The following ZNF76 variants were observed in gnomAD, a reference collection of about 807,000 sequenced individuals.
ZNF76 encodes zinc finger protein 76.
In ZNF76, 66 loss-of-function variants were observed where a neutral mutation model predicts 66.9. The observed-to-expected ratio is 0.99, with a 90% CI of 0.81 to 1.21. The LOEUF (loss-of-function observed/expected upper bound fraction) is 1.21. Ranked by LOEUF, ZNF76 falls within the 50% of genes most tolerant of loss-of-function variation. ZNF76 has a pLI of 0.00. For missense variants in ZNF76, 729 were observed against 760.3 expected, an observed-to-expected ratio of 0.96 and a Z score of 0.48; for synonymous variants, 275 against 296.1, an observed-to-expected ratio of 0.93 and a Z score of 0.73.
chr6:35,293,987 G>A, intron 12 of ZNF76, 72 bp downstream of exon 12: 3 of 1,541,554 alleles, frequency 1.9e-6, no homozygotes, highest in Non-Finnish European at 2.6e-6. Context: ...TTAAAGTGCA[G>A]CCTAAACTAG....
intron 1 of ZNF76, among the ~76,000 whole-genome samples, chr6:35,276,262 T>A (rs1183504631): frequency 6.6e-6 from 1 of 152,218 alleles, no homozygotes; most frequent in Non-Finnish European, 1.5e-5. Flanking sequence ...CATTTCATTT[T>A]ACAGATAAAG....
At chr6:35,291,484 C>A (rs1894650) in intron 8 of ZNF76, 74 bp from the exon 9 acceptor site, 192 of 1,609,758 alleles carry the variant, frequency 1.2e-4, no homozygotes, top group South Asian at 7.9e-4. Context: ...GACCTGGAGC[C>A]CAGTGCCATC....
intron 13 of ZNF76, 34 bp downstream of exon 13, chr6:35,294,603 C>T (rs775071737): frequency 3.5e-5 from 51 of 1,449,452 alleles, no homozygotes; most frequent in Non-Finnish European, 4.4e-5. Flanking sequence ...GGGGATCCCA[C>T]GGCCAGAGAA....
At position 35,287,299 on chromosome 6, in the gene ZNF76, C is replaced by T. The variant is rs137871395; in HGVS notation, c.233-347C>T. 2.6e-4 allele frequency among the ~76,000 whole-genome samples: 39 copies of T among 152,190 alleles called. No homozygotes were observed. The highest frequency in any genetic ancestry group is 4.7e-4 in the Non-Finnish European group (32 of 68,014). On this transcript the variant is annotated intron_variant, in intron 4 of 13. Coordinates refer to ENST00000373953, the MANE Select transcript of ZNF76 (RefSeq NM_003427.5). The surrounding 1 kb of genome is among the most constrained non-coding windows in gnomAD (Gnocchi z 4.0). The stretch of plus-strand genomic sequence containing the variant: ...AAGTGACATGGTCACATTTGTGTCC[C>T]GCAAAGATCCCTCTGGATGTTGTGC...
chr6:35,291,835 AC>A, intron 9 of ZNF76, 98 bp downstream of exon 9: 1 of 1,437,082 alleles, frequency 7.0e-7, no homozygotes, highest in South Asian at 1.2e-5. Flanking sequence ...CCAGCCCAGA[AC>A]CCTTCTGTGC....
upstream of ZNF76, chr6:35,259,666 G>A (rs111472908): frequency 0.013 from 2,039 of 151,712 alleles, 20 homozygotes; most frequent in African/African-American, 0.025. Flanking sequence ...TCCGGGGCCC[G>A]GTAGAGGCGC....
At position 35,292,594 on chromosome 6, in the gene ZNF76, A is replaced by G. The variant is rs747289649; in HGVS notation, c.972A>G (p.Lys324=). The G allele has an allele frequency of 3.1e-6, 5 of 1,613,604 alleles. No homozygotes were observed. The highest frequency in any genetic ancestry group is 1.3e-5 in the African/African-American group (1 of 74,994). Residue 324 remains lysine (K), a synonymous_variant, in exon 10 of 14, where the codon AAA becomes AAG. Transcript: ENST00000373953. This position sits in a 1 kb window ranked among gnomAD's most constrained non-coding sequence, Gnocchi z 4.7. ...TTTGCACGGTGCCAGGCTGCGGGAA[A>G]CGCTTCACCGAGTACTCGAGCTTGT... is the stretch of plus-strand genomic sequence containing the variant. ...PYVCTVPGCG[K]RFTEYSSLYK...
At chr6:35,284,948 C>T (rs140476407) in intron 2 of ZNF76, among the ~76,000 whole-genome samples, 6,342 of 151,516 alleles carry the variant, frequency 0.042, 365 homozygotes, top group East Asian at 0.31. Context: ...TGAGCTCAAG[C>T]GATCCACCCG....
chr6:35,268,352 C>G (rs1786463008), intron 1 of ZNF76, among the ~76,000 whole-genome samples: 1 of 152,120 alleles, frequency 6.6e-6, no homozygotes, highest in African/African-American at 2.4e-5. Flanking sequence ...AGGAGAGTCT[C>G]TTTGACCAGA....
intron 1 of ZNF76, among the ~76,000 whole-genome samples, chr6:35,265,168 G>A (rs1294631210): frequency 6.6e-6 from 1 of 152,068 alleles, no homozygotes; most frequent in Non-Finnish European, 1.5e-5. Context: ...AAACAAATAA[G>A]TAAAATATAT....
At chr6:35,294,171 A>G (rs868818566) in intron 12 of ZNF76, 21 of 586,780 alleles carry the variant, frequency 3.6e-5, no homozygotes, top group African/African-American at 3.5e-4. Context: ...TCACTTTTCC[A>G]TGGACTTCTG....
At chr6:35,284,734 AG>A (rs1789292054) in intron 2 of ZNF76, among the ~76,000 whole-genome samples, 1 of 150,912 alleles carries the variant, frequency 6.6e-6, no homozygotes. Context: ...TTTTTCAGAC[AG>A]GGTCTTACTC....
At chr6:35,294,607 C>A in intron 13 of ZNF76, 38 bp downstream of exon 13, 2 of 1,413,460 alleles carry the variant, frequency 1.4e-6, no homozygotes, top group Non-Finnish European at 2.0e-6. Flanking sequence ...ATCCCACGGC[C>A]AGAGAAGTCA....
chr6:35,263,105 T>G (rs2150334364), intron 1 of ZNF76, among the ~76,000 whole-genome samples: 1 of 152,356 alleles, frequency 6.6e-6, no homozygotes, highest in South Asian at 2.1e-4. Context: ...CTCTGCTTCC[T>G]TCATATGCTG....
intron 1 of ZNF76, among the ~76,000 whole-genome samples, chr6:35,261,049 A>G (rs1785175551): frequency 6.6e-6 from 1 of 152,190 alleles, no homozygotes; most frequent in African/African-American, 2.4e-5. Context: ...CCTAGGTTCC[A>G]GACTGATTCT....
At position 35,292,382 on chromosome 6, in the gene ZNF76, C is replaced by T. The variant is rs148854571; in HGVS notation, c.932-172C>T. 449 of 673,066 alleles carry T rather than the reference C, an allele frequency of 6.7e-4. 2 individuals carry two copies. In the African/African-American group the frequency reaches 7.2e-3, roughly 11 times the overall value. 41.7% of individuals were successfully genotyped at this position (673,066 alleles called of 1,614,324 possible). ...TTCAGTGGTTCAACACCTGTGTCCT[C>T]TCTGTGTTCCACTGGCCATCTTCCC... On this transcript the variant is annotated intron_variant, in intron 9 of 13. Coordinates refer to ENST00000373953, the MANE Select transcript of ZNF76 (RefSeq NM_003427.5). The surrounding 1 kb of genome is among the most constrained non-coding windows in gnomAD (Gnocchi z 4.7).
rs1582185950 is a variant in ZNF76, at chr6:35,291,416, C to T, written c.751+13C>T. 2 of 1,614,128 alleles carry T rather than the reference C, an allele frequency of 1.2e-6. No individual in the cohort carries two copies. The highest frequency in any genetic ancestry group is 1.3e-5 in the African/African-American group (1 of 75,046). ...CGTACCCACACTGGTATGCTGGGCCCTGCCCACTCCAACCCCATTCCCTGG... is the reference window on the plus strand; with the variant it reads ...CGTACCCACACTGGTATGCTGGGCCTTGCCCACTCCAACCCCATTCCCTGG... On this transcript the variant is annotated intron_variant, in intron 8 of 13. Coordinates refer to ENST00000373953, the MANE Select transcript of ZNF76 (RefSeq NM_003427.5).
rs1788708972 is a variant in ZNF76 at position 35,281,088 on chromosome 6, GC to G, written c.-63del. The stretch of plus-strand genomic sequence containing the variant: ...ACCCAGAAGGAAATCTCTGACCTCA[GC>G]TGTGGCTCTTGGTGCTGGCCAGAAG... On this transcript the variant is annotated 5_prime_UTR_variant, in exon 2 of 14. Coordinates refer to ENST00000373953, the MANE Select transcript of ZNF76 (RefSeq NM_003427.5). 1 of 1,484,012 alleles carries G rather than the reference GC, an allele frequency of 6.7e-7. No homozygotes were observed. Among genetic ancestry groups the G allele is most frequent in the Non-Finnish European group, 9.4e-7 (1 of 1,061,428 alleles). The allele number at this position is 1,484,012 out of a possible 1,614,324, so 91.9% of individuals were successfully genotyped here.
rs779586659 is a variant in ZNF76, at chr6:35,292,997, G to A, written c.1282G>A (p.Asp428Asn). The A allele has an allele frequency of 6.2e-7, 1 of 1,614,192 alleles. No homozygotes were observed. Among genetic ancestry groups the A allele is most frequent in the East Asian group, 2.2e-5 (1 of 44,884 alleles). ...CCAGGTGGCGATGGTGACTGAAGAA[G>A]ATGGGGCCCCCCAGGTGGCTCTGAT... is the stretch of plus-strand genomic sequence containing the variant. ...PAQVAMVTEE[D>N]GAPQVALITQ... is the part of the protein sequence containing the mutation. The change falls in exon 11 of 14, where the codon GAT becomes AAT. Residue 428 changes from aspartate (D) to asparagine (N), a missense_variant. By Grantham distance (23) the Asp-to-Asn change is conservative. Transcript: ENST00000373953. This position sits in a 1 kb window ranked among gnomAD's most constrained non-coding sequence, Gnocchi z 4.7.
Sources: gnomAD v4.1 joint callset for allele counts (sites outside exome capture counted in the v4.1 genomes callset) on GRCh38, gnomAD v4.1.1 for gene constraint, Gnocchi (gnomAD v3.1) non-coding constraint, MANE v1.5 for transcripts, NCBI Gene and HGNC (gene_info 2026-07-23, HGNC 2026-07-21) for gene names.